MRPS5: variants seen among roughly 807,000 people sequenced by gnomAD.
MRPS5 encodes the protein mitochondrial ribosomal protein S5.
A neutral mutation model predicts 51.9 loss-of-function variants in MRPS5; 27 were observed. The observed-to-expected ratio is 0.52, with a 90% CI of 0.38 to 0.72. MRPS5 has a LOEUF of 0.72. Ranked by LOEUF, MRPS5 falls within the 30% of genes least tolerant of loss-of-function variation. The pLI is 0.00. For synonymous variants in MRPS5, 196 were observed against 193.2 expected (o/e 1.01, Z -0.12); for missense variants, 570 against 545.7 (o/e 1.04, Z -0.44).
chr2:95,101,322 T>C (rs1256896167), intron 8 of MRPS5, among the ~76,000 whole-genome samples: 1 of 150,244 alleles, frequency 6.7e-6, no homozygotes, highest in Non-Finnish European at 1.5e-5. Context: ...AGGCGGAGGT[T>C]GCAGTGAGCC....
chr2:95,097,020 T>G (rs1401951685), intron 10 of MRPS5, among the ~76,000 whole-genome samples: 4 of 152,118 alleles, frequency 2.6e-5, no homozygotes, highest in African/African-American at 9.7e-5. Context: ...TGTGCAAAAA[T>G]CACAAGCATT....
chr2:95,104,843 C>G (rs190064903), intron 6 of MRPS5, 113 bp from the exon 7 acceptor site: 8 of 807,546 alleles, frequency 9.9e-6, no homozygotes, highest in African/African-American at 8.6e-5. Context: ...ACACAGAGAA[C>G]AGGCACACCA....
chr2:95,107,297 T>C (rs536843953), intron 5 of MRPS5, among the ~76,000 whole-genome samples: 1 of 152,204 alleles, frequency 6.6e-6, no homozygotes, highest in South Asian at 2.1e-4. Flanking sequence ...CCCATCTCAC[T>C]CTCCGCAGAT....
intron 3 of MRPS5, among the ~76,000 whole-genome samples, chr2:95,111,409 TAGAATC>T (rs1281188600): frequency 6.6e-6 from 1 of 152,184 alleles, no homozygotes; most frequent in Non-Finnish European, 1.5e-5. Flanking sequence ...TTCTTTCACT[TAGAATC>T]AGAACCCTTA....
rs1356096694 is a variant in MRPS5 at position 95,086,023 on chromosome 2, C to T, written c.*1334G>A. Among the ~76,000 whole-genome samples the T allele has an allele frequency of 6.6e-6, 1 of 152,074 alleles. No homozygotes were observed. Among genetic ancestry groups the T allele is most frequent in the East Asian group, 1.9e-4 (1 of 5,194 alleles). On this transcript the variant is annotated 3_prime_UTR_variant, in exon 12 of 12. Transcript: ENST00000272418. ...CTCCTGCAATCAAATGATCCTCCCACTTCAGCCTCCTATGTAGCTGGGACT... is the reference window on the plus strand; with the variant it reads ...CTCCTGCAATCAAATGATCCTCCCATTTCAGCCTCCTATGTAGCTGGGACT...
intron 11 of MRPS5, among the ~76,000 whole-genome samples, chr2:95,088,180 A>G (rs1272637719): frequency 6.6e-6 from 1 of 152,210 alleles, no homozygotes; most frequent in Non-Finnish European, 1.5e-5. Context: ...ATTTGTATGA[A>G]CATTGATTGG....
At chr2:95,101,787 A>G in intron 7 of MRPS5, 64 bp from the exon 8 acceptor site, 1 of 1,149,758 alleles carries the variant, frequency 8.7e-7, no homozygotes, top group Non-Finnish European at 1.3e-6. Context: ...TTTTTGCCAC[A>G]TTTCAAGTTT....
chr2:95,098,595 C>T lies in MRPS5; in HGVS notation c.931+1879G>A, dbSNP rs536901812. Among the ~76,000 whole-genome samples the T allele has an allele frequency of 6.6e-5, 10 of 152,190 alleles. No individual in the cohort carries two copies. In the South Asian group the frequency reaches 2.1e-3, roughly 32 times the overall value. On this transcript the variant is annotated intron_variant, in intron 10 of 11. Transcript: ENST00000272418. ...AGCAAACTATCTCAAGGACAGAAAA[C>T]CAAACACCGCATGTTCTCACTCATA... is the stretch of plus-strand genomic sequence containing the variant.
chr2:95,117,881 C>T lies in MRPS5; in HGVS notation c.123G>A (p.Lys41=). 1 of 1,609,184 alleles carries T rather than the reference C, an allele frequency of 6.2e-7. No homozygotes were observed. Among genetic ancestry groups the T allele is most frequent in the Non-Finnish European group, 8.5e-7 (1 of 1,178,852 alleles). The change falls in exon 2 of 12, where the codon AAG becomes AAA. Residue 41 remains lysine, a synonymous_variant. Transcript: ENST00000272418. ...GAATCTCACCATTGCCGAGAACACTCTTCCATGCCAAAATGGAAGCTGCTG... is the reference window on the plus strand; with the variant it reads ...GAATCTCACCATTGCCGAGAACACTTTTCCATGCCAAAATGGAAGCTGCTG... ...TLPAASILAW[K]SVLGNGHLSS...
chr2:95,105,087 A>G (rs1206629923), intron 6 of MRPS5, among the ~76,000 whole-genome samples: 1 of 152,278 alleles, frequency 6.6e-6, no homozygotes, highest in African/African-American at 2.4e-5. Flanking sequence ...ATCACTGATT[A>G]TAAGATGTAG....
At chr2:95,115,333 G>A (rs1165507007) in intron 2 of MRPS5, 130 bp from the exon 3 acceptor site, 3 of 905,944 alleles carry the variant, frequency 3.3e-6, no homozygotes, top group Non-Finnish European at 4.7e-6. Context: ...CAGATTTTTA[G>A]GAGTCTTTCT....
chr2:95,120,926 C>T (rs1573357388), intron 1 of MRPS5, among the ~76,000 whole-genome samples: 1 of 151,942 alleles, frequency 6.6e-6, no homozygotes, highest in Non-Finnish European at 1.5e-5. Context: ...GAGACCAGTA[C>T]GACCAACATG....
At chr2:95,117,796 T>C (rs1046102527) in intron 2 of MRPS5, 69 bp downstream of exon 2, 2 of 1,336,484 alleles carry the variant, frequency 1.5e-6, no homozygotes, top group African/African-American at 3.0e-5. Flanking sequence ...ACTTATATTT[T>C]TTAAAACTAC....
chr2:95,119,123 A>C (rs1175529804), intron 1 of MRPS5, among the ~76,000 whole-genome samples: 1 of 152,238 alleles, frequency 6.6e-6, no homozygotes, highest in African/African-American at 2.4e-5. Flanking sequence ...TACCTAAAAA[A>C]CATAAAGAAC....
intron 2 of MRPS5, among the ~76,000 whole-genome samples, chr2:95,115,994 C>T (rs529790817): frequency 3.9e-4 from 59 of 151,840 alleles, no homozygotes; most frequent in Non-Finnish European, 6.2e-4. Flanking sequence ...GCAACCTCCA[C>T]CTCCCAGGTT....
intron 10 of MRPS5, among the ~76,000 whole-genome samples, chr2:95,094,720 C>A (rs1224315146): frequency 3.3e-5 from 5 of 152,158 alleles, no homozygotes; most frequent in African/African-American, 1.2e-4. Context: ...TACAAGAACT[C>A]CTGAAGGAAG....
At chr2:95,104,892 A>C (rs1285577256) in intron 6 of MRPS5, among the ~76,000 whole-genome samples, 162 bp from the exon 7 acceptor site, 5 of 152,132 alleles carry the variant, frequency 3.3e-5, no homozygotes, top group Non-Finnish European at 5.9e-5. Flanking sequence ...CCTTTTTCCA[A>C]ACAAAACCTC....
At chr2:95,116,155 C>T (rs1277493601) in intron 2 of MRPS5, among the ~76,000 whole-genome samples, 5 of 151,988 alleles carry the variant, frequency 3.3e-5, no homozygotes, top group African/African-American at 4.8e-5. Flanking sequence ...CCACCCGCCT[C>T]GGCCTCCCAA....
rs555963884 is a variant in MRPS5 at position 95,121,752 on chromosome 2, G to A, written c.40C>T (p.Leu14=). 3.4e-3 allele frequency: 5,295 copies of A among 1,552,280 alleles called. 8 individuals are homozygous for A. Among genetic ancestry groups the A allele is most frequent in the Admixed American group, 5.9e-3 (322 of 54,264 alleles). ...CTCTCACCTGCCGTCCCGCTACACAGCACGGGGAGGCAGCCCACAGCGCGC... is the reference window on the plus strand; with the variant it reads ...CTCTCACCTGCCGTCCCGCTACACAACACGGGGAGGCAGCCCACAGCGCGC... ...AVRAVGCLPV[L]CSGTAGHLLG... The change falls in exon 1 of 12, where the codon CTG becomes TTG. Residue 14 remains leucine, a synonymous_variant. Transcript: ENST00000272418.
Sources: gnomAD v4.1 joint callset for allele counts (sites outside exome capture counted in the v4.1 genomes callset) on GRCh38, gnomAD v4.1.1 for gene constraint, MANE v1.5 for transcripts, NCBI Gene and HGNC (gene_info 2026-07-23, HGNC 2026-07-21) for gene names.